The following SLC22A4 variants were observed in gnomAD, a reference collection of about 807,000 sequenced individuals.
SLC22A4 encodes the protein solute carrier family 22 member 4, also known as ET transporter.
SLC22A4 carries 39 observed loss-of-function variants against 56.6 expected under a neutral mutation model. The ratio of observed to expected loss-of-function variants is 0.69; its 90% confidence interval spans 0.53 to 0.90. The LOEUF is 0.90. SLC22A4 is among the 40% of genes least tolerant of loss of function. SLC22A4 has a pLI of 0.00. For missense variants in SLC22A4, 594 were observed against 696.5 expected (o/e 0.85, Z 1.66); for synonymous variants, 241 against 281.4 (o/e 0.86, Z 1.44).
At chr5:132,324,412 G>T in intron 4 of SLC22A4, 1 of 433,554 alleles carries the variant, frequency 2.3e-6, no homozygotes, top group South Asian at 1.7e-5. Flanking sequence ...CATCCCACAG[G>T]GAGCCTGCTC....
intron 1 of SLC22A4, among the ~76,000 whole-genome samples, chr5:132,298,110 A>G (rs1193119623): frequency 6.6e-6 from 1 of 152,246 alleles, no homozygotes; most frequent in Non-Finnish European, 1.5e-5. Context: ...TAGAATCACC[A>G]TATGATCCAG....
intron 8 of SLC22A4, 31 bp from the exon 9 acceptor site, chr5:132,340,534 G>C: frequency 6.2e-7 from 1 of 1,611,688 alleles, no homozygotes; most frequent in Non-Finnish European, 8.5e-7. Context: ...CCTCCTATCT[G>C]ATTGATGTTC....
At chr5:132,312,388 C>G in intron 2 of SLC22A4, 124 bp downstream of exon 2, 1 of 736,810 alleles carries the variant, frequency 1.4e-6, no homozygotes, top group Non-Finnish European at 2.5e-6. Context: ...GCCACTGATT[C>G]AGTGATAGGA....
intron 4 of SLC22A4, among the ~76,000 whole-genome samples, chr5:132,326,714 T>G (rs936283250): frequency 3.3e-5 from 5 of 152,254 alleles, no homozygotes; most frequent in Admixed American, 3.3e-4. Flanking sequence ...AAAGCTGGTT[T>G]GGGCACTCGC....
chr5:132,299,153 G>T (rs908585001), intron 1 of SLC22A4, among the ~76,000 whole-genome samples: 1 of 152,170 alleles, frequency 6.6e-6, no homozygotes, highest in African/African-American at 2.4e-5. Flanking sequence ...TGCCTGAACT[G>T]CCCCCCAACA....
In SLC22A4 at chr5:132,335,936, G is replaced by C. The variant is rs199597043; in HGVS notation, c.1380G>C (p.Ala460=). ...ACCCAACCCTGGTCAGGAACATGGC[G>C]GTGGGGGTCACATCCACGGCCTCCA... ...ELYPTLVRNM[A]VGVTSTASRV... Residue 460 remains alanine (A), a synonymous_variant, in exon 8 of 10, where the codon GCG becomes GCC. Transcript: ENST00000200652. The C allele has an allele frequency of 5.0e-6, 8 of 1,614,064 alleles. No individual in the cohort carries two copies. Among genetic ancestry groups the C allele is most frequent in the Non-Finnish European group, 6.8e-6 (8 of 1,179,948 alleles).
At chr5:132,339,497 C>CACACACACACACAT (rs1484754069) in intron 8 of SLC22A4, among the ~76,000 whole-genome samples, 4 of 151,860 alleles carry the variant, frequency 2.6e-5, no homozygotes, top group Non-Finnish European at 4.4e-5. Context: ...CACACACACA[C>CACACACACACACAT]ACACACCTGA....
chr5:132,324,981 T>C (rs979179446), intron 4 of SLC22A4, among the ~76,000 whole-genome samples: 4 of 152,166 alleles, frequency 2.6e-5, no homozygotes, highest in Admixed American at 2.6e-4. Flanking sequence ...GGGGACTTTT[T>C]ATGTCCCAAG....
intron 2 of SLC22A4, 81 bp from the exon 3 acceptor site, chr5:132,313,533 G>A: frequency 7.9e-7 from 1 of 1,272,682 alleles, no homozygotes; most frequent in South Asian, 1.2e-5. Context: ...CACTAAGTCT[G>A]CATTGATGCC....
Position 132,322,393 on chromosome 5 carries a change from G to A in SLC22A4, c.824+38G>A, listed in dbSNP as rs761290263. 12 of 1,595,592 alleles carry A rather than the reference G, an allele frequency of 7.5e-6. No individual in the cohort carries two copies. In the South Asian group the frequency reaches 8.8e-5, roughly 12 times the overall value. On this transcript the variant is annotated intron_variant, in intron 4 of 9. Coordinates refer to ENST00000200652, the MANE Select transcript of SLC22A4 (RefSeq NM_003059.3). ...CGTCCCCAGACAGGCCCTCTGCTGC[G>A]GGTCAGCACACCTGGAACACACCTG...
intron 3 of SLC22A4, among the ~76,000 whole-genome samples, chr5:132,319,666 C>G (rs1750474868): frequency 6.6e-6 from 1 of 152,186 alleles, no homozygotes; most frequent in Admixed American, 6.5e-5. Context: ...GATCTCGGCT[C>G]ACTGCAACCT....
intron 6 of SLC22A4, chr5:132,332,413 A>G (rs572347397): frequency 5.2e-4 from 81 of 156,862 alleles, no homozygotes; most frequent in Non-Finnish European, 1.0e-3. Flanking sequence ...GATTGAGATC[A>G]TTGATGTCCC....
At chr5:132,328,903 G>GTGTATATATATA (rs1180080096) in intron 5 of SLC22A4, among the ~76,000 whole-genome samples, 2 of 96,446 alleles carry the variant, frequency 2.1e-5, no homozygotes, top group African/African-American at 9.9e-5. Flanking sequence ...GTGTGTATGT[G>GTGTATATATATA]TATATATATA....
At chr5:132,332,312 T>TA (rs879579219) in intron 6 of SLC22A4, 6,011 of 167,286 alleles carry the variant, frequency 0.036, 234 homozygotes, top group African/African-American at 0.11. Flanking sequence ...AGACTCCATC[T>TA]AAAAAAAAAA....
intron 4 of SLC22A4, among the ~76,000 whole-genome samples, chr5:132,326,468 C>T (rs1750693151): frequency 6.6e-6 from 1 of 152,120 alleles, no homozygotes; most frequent in Non-Finnish European, 1.5e-5. Flanking sequence ...GTAGAAAAAT[C>T]ATAAGTCGAA....
chr5:132,317,049 G>A (rs575692698), intron 3 of SLC22A4, among the ~76,000 whole-genome samples: 1 of 152,120 alleles, frequency 6.6e-6, no homozygotes, highest in Non-Finnish European at 1.5e-5. Context: ...TTTCCTCTGC[G>A]CAAGTGCTCA....
At chr5:132,332,623 C>G (rs1750897124) in intron 6 of SLC22A4, among the ~76,000 whole-genome samples, 1 of 151,944 alleles carries the variant, frequency 6.6e-6, no homozygotes. Context: ...AGCAAACTAA[C>G]AAGTGGCTTT....
intron 8 of SLC22A4, among the ~76,000 whole-genome samples, 173 bp from the exon 9 acceptor site, chr5:132,340,392 C>T (rs1224405337): frequency 6.6e-6 from 1 of 152,162 alleles, no homozygotes; most frequent in Middle Eastern, 3.2e-3. Context: ...TATAGACATG[C>T]ACAATGTCAT....
chr5:132,308,493 C>T (rs901330750), intron 1 of SLC22A4, among the ~76,000 whole-genome samples: 2 of 144,888 alleles, frequency 1.4e-5, no homozygotes, highest in African/African-American at 5.1e-5. Context: ...GATAAGAGTA[C>T]CCATCTCACA....
Sources: allele counts gnomAD v4.1 joint callset (sites outside exome capture counted in the v4.1 genomes callset), GRCh38; gene constraint gnomAD v4.1.1; transcripts MANE v1.5; gene names NCBI Gene and HGNC (gene_info 2026-07-23, HGNC 2026-07-21).